CHCHD3: variants seen among roughly 807,000 people sequenced by gnomAD.
CHCHD3 encodes the protein MICOS complex subunit MIC19.
In CHCHD3, 20 loss-of-function variants were observed where a neutral mutation model predicts 38.2. The observed-to-expected ratio is 0.52, with a 90% CI of 0.37 to 0.76. The LOEUF (loss-of-function observed/expected upper bound fraction) is 0.76. Among genes scored for constraint, CHCHD3 ranks in the 30% least tolerant of loss-of-function variants. CHCHD3 has a pLI of 0.00. For missense variants in CHCHD3, 245 were observed against 279.2 expected (o/e 0.88, Z 0.87); for synonymous variants, 82 against 100.0 (o/e 0.82, Z 1.07).
At chr7:132,986,630 G>A (rs558202063) in intron 3 of CHCHD3, among the ~76,000 whole-genome samples, 1 of 152,184 alleles carries the variant, frequency 6.6e-6, no homozygotes, top group Non-Finnish European at 1.5e-5. Context: ...AATAGGAGAA[G>A]CAGCTTCTGC....
Position 133,035,544 on chromosome 7 carries a change from T to C in CHCHD3, c.170-10917A>G, listed in dbSNP as rs760393013. ...TTCCTCCTTTGCATTCTCAGTGGCC[T>C]GTTTGTTGTGGTGCATGATGCCCAA... On this transcript the variant is annotated intron_variant, in intron 2 of 7. Transcript: ENST00000262570. The surrounding 1 kb of genome is among the most constrained non-coding windows in gnomAD (Gnocchi z 4.7). 2.6e-5 allele frequency: 42 copies of C among 1,613,536 alleles called. No homozygotes were observed. Among genetic ancestry groups the C allele is most frequent in the Non-Finnish European group, 3.4e-5 (40 of 1,179,490 alleles).
chr7:133,045,361 A>T (rs1006632758), intron 2 of CHCHD3, among the ~76,000 whole-genome samples: 1 of 152,172 alleles, frequency 6.6e-6, no homozygotes, highest in African/African-American at 2.4e-5. Context: ...AGTGCACTCT[A>T]ACATTCTATT....
chr7:132,808,909 T>A (rs1452040961), intron 6 of CHCHD3, among the ~76,000 whole-genome samples: 1 of 122,654 alleles, frequency 8.2e-6, no homozygotes, highest in East Asian at 2.6e-4. Flanking sequence ...CTGGAAATCA[T>A]CATTCTCAGT....
intron 5 of CHCHD3, among the ~76,000 whole-genome samples, chr7:132,878,982 T>A (rs576561518): frequency 1.3e-5 from 2 of 152,098 alleles, no homozygotes. Flanking sequence ...GGAAACAGCA[T>A]CCCAGGGAAC....
chr7:132,896,801 A>C (rs1027146424), intron 4 of CHCHD3, among the ~76,000 whole-genome samples: 1 of 152,238 alleles, frequency 6.6e-6, no homozygotes, highest in African/African-American at 2.4e-5. Flanking sequence ...GCTACATTCT[A>C]TAAAACAAAT....
chr7:132,903,427 C>A, intron 4 of CHCHD3, among the ~76,000 whole-genome samples: 1 of 152,132 alleles, frequency 6.6e-6, no homozygotes, highest in African/African-American at 2.4e-5. Context: ...ACAGTTTCTA[C>A]ACAACCTTTT....
chr7:132,859,186 C>T (rs1328212941), intron 5 of CHCHD3, among the ~76,000 whole-genome samples: 1 of 152,084 alleles, frequency 6.6e-6, no homozygotes. Flanking sequence ...TAATTGAATA[C>T]TATTACCTTC....
Position 132,992,669 on chromosome 7 carries a change from G to GA in CHCHD3, c.252-17384dup, listed in dbSNP as rs202079654. 9.8e-3 allele frequency among the ~76,000 whole-genome samples: 1,494 copies of GA among 152,254 alleles called. 34 individuals carry two copies. Among genetic ancestry groups the GA allele is most frequent in the African/African-American group, 0.034 (1,428 of 41,536 alleles). The stretch of plus-strand genomic sequence containing the variant: ...TATGTTATTATTTTAGATATACTGA[G>GA]AAAAAACCAGAATTATTTCTACCTT... On this transcript the variant is annotated intron_variant, in intron 3 of 7. Transcript: ENST00000262570.
chr7:133,010,100 A>G (rs1812820061), intron 3 of CHCHD3, among the ~76,000 whole-genome samples: 1 of 152,224 alleles, frequency 6.6e-6, no homozygotes, highest in South Asian at 2.1e-4. Flanking sequence ...AATGTTGGGA[A>G]CGGGCTTGGA....
At chr7:133,008,730 G>C (rs996364983) in intron 3 of CHCHD3, among the ~76,000 whole-genome samples, 2 of 152,062 alleles carry the variant, frequency 1.3e-5, no homozygotes, top group Non-Finnish European at 2.9e-5. Context: ...AGAATCAATA[G>C]GAGGCTTTAA....
intron 4 of CHCHD3, among the ~76,000 whole-genome samples, chr7:132,957,661 A>G (rs908033974): frequency 1.3e-5 from 2 of 152,026 alleles, no homozygotes; most frequent in Admixed American, 1.3e-4. Context: ...TTGTATTTTT[A>G]GTAGAGATGG....
chr7:133,016,777 C>T (rs1427362028), intron 3 of CHCHD3, among the ~76,000 whole-genome samples: 2 of 152,198 alleles, frequency 1.3e-5, no homozygotes, highest in Non-Finnish European at 2.9e-5. Context: ...GGACCTCACA[C>T]TCTTCTCCAG....
chr7:133,027,362 T>TGTG (rs770419207), intron 2 of CHCHD3, among the ~76,000 whole-genome samples: 1 of 95,862 alleles, frequency 1.0e-5, no homozygotes, highest in Admixed American at 1.2e-4. Context: ...TAATAAGTTG[T>TGTG]AAGAGAGAGA....
At chr7:132,787,189 G>T (rs568996087) in intron 7 of CHCHD3, among the ~76,000 whole-genome samples, 2 of 152,332 alleles carry the variant, frequency 1.3e-5, no homozygotes, top group Non-Finnish European at 2.9e-5. Context: ...AAGAGAAAGG[G>T]TGGAAAGAGG....
At chr7:132,915,726 A>T (rs1810085087) in intron 4 of CHCHD3, among the ~76,000 whole-genome samples, 1 of 152,158 alleles carries the variant, frequency 6.6e-6, no homozygotes, top group Admixed American at 6.5e-5. Flanking sequence ...TTCTCAAGAT[A>T]ATTCATAGTA....
rs539253249 is a variant in CHCHD3, at chr7:132,998,600, A to C, written c.252-23314T>G. ...GAAAAAATAATAATAAGGTTAGTGCAAAAAATAACAATGGGTAGTCTAGCT... is the reference window on the plus strand; with the variant it reads ...GAAAAAATAATAATAAGGTTAGTGCCAAAAATAACAATGGGTAGTCTAGCT... On this transcript the variant is annotated intron_variant, in intron 3 of 7. Transcript: ENST00000262570. Among the ~76,000 whole-genome samples, 7 of 152,322 alleles carry C rather than the reference A, an allele frequency of 4.6e-5. No individual in the cohort carries two copies. In the East Asian group the frequency reaches 1.3e-3, roughly 29 times the overall value.
At chr7:132,938,231 G>A (rs564116067) in intron 4 of CHCHD3, among the ~76,000 whole-genome samples, 22 of 152,194 alleles carry the variant, frequency 1.4e-4, no homozygotes, top group Non-Finnish European at 3.1e-4. Flanking sequence ...AAATCATGTT[G>A]TGTGGTACAT....
rs17166815 is a variant in CHCHD3 at position 132,952,227 on chromosome 7, G to A, written c.369+22942C>T. Reference sequence around the variant, plus strand: ...ATGTCCTTAATCCATTTTTCACATCGAGGGTTAAGCATTAGAATGGTGTAT... The same window carrying A: ...ATGTCCTTAATCCATTTTTCACATCAAGGGTTAAGCATTAGAATGGTGTAT... On this transcript the variant is annotated intron_variant, in intron 4 of 7. Coordinates refer to ENST00000262570, the MANE Select transcript of CHCHD3 (RefSeq NM_017812.4). Among the ~76,000 whole-genome samples the A allele has an allele frequency of 8.6e-3, 1,302 of 152,268 alleles. 24 individuals are homozygous for A. The highest frequency in any genetic ancestry group is 0.03 in the African/African-American group (1,239 of 41,546).
chr7:132,972,051 C>G (rs1330996178), intron 4 of CHCHD3, among the ~76,000 whole-genome samples: 2 of 151,906 alleles, frequency 1.3e-5, no homozygotes, highest in Non-Finnish European at 2.9e-5. Context: ...AATCTGAGAC[C>G]CTAAAGCATG....
Sources: gnomAD v4.1 joint callset for allele counts (sites outside exome capture counted in the v4.1 genomes callset) on GRCh38, gnomAD v4.1.1 for gene constraint, Gnocchi (gnomAD v3.1) non-coding constraint, MANE v1.5 for transcripts, NCBI Gene and HGNC (gene_info 2026-07-23, HGNC 2026-07-21) for gene names.